The following EVA1C variants were observed in gnomAD, a reference collection of about 807,000 sequenced individuals.
EVA1C encodes the protein eva-1 homolog C.
A neutral mutation model predicts 45.4 loss-of-function variants in EVA1C; 25 were observed. The observed-to-expected ratio is 0.55, with a 90% confidence interval of 0.40 to 0.77. The LOEUF (loss-of-function observed/expected upper bound fraction) is 0.77, where lower values mean the gene tolerates loss of function less well. EVA1C is among the 30% of genes least tolerant of loss of function. EVA1C has a pLI of 0.00. For missense variants in EVA1C, 479 were observed against 554.8 expected (o/e 0.86, Z 1.37); for synonymous variants, 190 against 221.2 (o/e 0.86, Z 1.25).
chr21:32,459,369 A>G (rs2035912353), intron 3 of EVA1C, among the ~76,000 whole-genome samples: 1 of 152,196 alleles, frequency 6.6e-6, no homozygotes, highest in African/African-American at 2.4e-5. Flanking sequence ...GCCTCAGTCA[A>G]CAGACTCAGG....
chr21:32,458,171 G>A (rs1307658649), intron 3 of EVA1C, among the ~76,000 whole-genome samples: 1 of 152,156 alleles, frequency 6.6e-6, no homozygotes, highest in Non-Finnish European at 1.5e-5. Context: ...AGATCTTTAA[G>A]AACCAGCTCC....
chr21:32,444,711 T>C (rs982301299), intron 1 of EVA1C, among the ~76,000 whole-genome samples: 1 of 152,156 alleles, frequency 6.6e-6, no homozygotes, highest in Non-Finnish European at 1.5e-5. Context: ...CCCTGGAAGT[T>C]GGGGTTGGGC....
intron 1 of EVA1C, among the ~76,000 whole-genome samples, chr21:32,442,599 A>T (rs1386514323): frequency 6.8e-6 from 1 of 147,784 alleles, no homozygotes; most frequent in African/African-American, 2.5e-5. Context: ...TTATTTGTTT[A>T]TTTGTGAATA....
At chr21:32,449,631 T>TG (rs2035503513) in intron 1 of EVA1C, among the ~76,000 whole-genome samples, 2 of 151,954 alleles carry the variant, frequency 1.3e-5, no homozygotes, top group East Asian at 1.9e-4. Flanking sequence ...TGTTTTGTTT[T>TG]TTTTTTTTGA....
At chr21:32,473,223 C>A (rs1410247421) in intron 4 of EVA1C, among the ~76,000 whole-genome samples, 2 of 152,242 alleles carry the variant, frequency 1.3e-5, no homozygotes, top group Non-Finnish European at 2.9e-5. Flanking sequence ...GGCCCAGGAG[C>A]CAATAACACC....
intron 1 of EVA1C, among the ~76,000 whole-genome samples, chr21:32,420,075 C>T (rs1451346008): frequency 6.6e-5 from 10 of 152,252 alleles, no homozygotes; most frequent in South Asian, 2.1e-4. Flanking sequence ...TGTGCACCAC[C>T]GGCTCAGCAG....
chr21:32,506,110 C>T (rs2037714404), intron 7 of EVA1C, among the ~76,000 whole-genome samples: 1 of 151,818 alleles, frequency 6.6e-6, no homozygotes, highest in Non-Finnish European at 1.5e-5. Flanking sequence ...TCCTCCATCT[C>T]TTTCTATCCT....
chr21:32,450,746 C>A (rs571835350), intron 1 of EVA1C, among the ~76,000 whole-genome samples: 1 of 151,904 alleles, frequency 6.6e-6, no homozygotes, highest in Non-Finnish European at 1.5e-5. Flanking sequence ...GTGTGCCAGG[C>A]GGGAAGACAC....
intron 2 of EVA1C, 41 bp from the exon 3 acceptor site, chr21:32,457,556 G>A (rs1316098311): frequency 6.2e-7 from 1 of 1,613,164 alleles, no homozygotes; most frequent in Non-Finnish European, 8.5e-7. Context: ...GTCACTGTGA[G>A]CAGTTTTCAA....
At chr21:32,514,300 T>C (rs1474161834) in intron 7 of EVA1C, among the ~76,000 whole-genome samples, 1 of 152,258 alleles carries the variant, frequency 6.6e-6, no homozygotes, top group Non-Finnish European at 1.5e-5. Context: ...GGTTCACATA[T>C]ATACTTCGTA....
chr21:32,426,543 C>T (rs534633456), intron 1 of EVA1C, among the ~76,000 whole-genome samples: 1 of 152,244 alleles, frequency 6.6e-6, no homozygotes, highest in African/African-American at 2.4e-5. Context: ...CCTCCATGCA[C>T]TCACATACAG....
chr21:32,449,383 T>G (rs763483288), intron 1 of EVA1C, among the ~76,000 whole-genome samples: 27 of 152,332 alleles, frequency 1.8e-4, no homozygotes, highest in Non-Finnish European at 2.2e-4. Context: ...TCCTCCTTTC[T>G]CCTGACCTCT....
chr21:32,482,559 T>C (rs2146356437), intron 4 of EVA1C, among the ~76,000 whole-genome samples: 1 of 152,276 alleles, frequency 6.6e-6, no homozygotes, highest in Admixed American at 6.5e-5. Context: ...CAGGGCTCCC[T>C]GGAACATAAT....
chr21:32,498,154 C>G (rs989623554), intron 5 of EVA1C, among the ~76,000 whole-genome samples: 32 of 152,136 alleles, frequency 2.1e-4, no homozygotes, highest in African/African-American at 5.8e-4. Context: ...TTGTAATAAA[C>G]AAAGAGACAC....
intron 1 of EVA1C, among the ~76,000 whole-genome samples, chr21:32,448,243 G>A (rs1304812565): frequency 1.3e-5 from 2 of 152,156 alleles, no homozygotes; most frequent in Non-Finnish European, 2.9e-5. Flanking sequence ...CCATCCTCGT[G>A]GGACTGAGGC....
At chr21:32,418,247 G>C (rs773931563) in intron 1 of EVA1C, among the ~76,000 whole-genome samples, 1 of 152,104 alleles carries the variant, frequency 6.6e-6, no homozygotes, top group Non-Finnish European at 1.5e-5. Context: ...AAGCCAGCTC[G>C]TAACTAAAGA....
chr21:32,438,486 C>CAAA (rs35688820), intron 1 of EVA1C, among the ~76,000 whole-genome samples: 569 of 56,168 alleles, frequency 0.01, 21 homozygotes, highest in African/African-American at 0.033. Context: ...GACTCTGTCT[C>CAAA]AAAAAAAAAA....
chr21:32,505,854 A>C (rs537859137), intron 7 of EVA1C, among the ~76,000 whole-genome samples: 1 of 152,256 alleles, frequency 6.6e-6, no homozygotes, highest in East Asian at 1.9e-4. Flanking sequence ...ATTAGCTCCT[A>C]ATGAGTGAAC....
chr21:32,505,498 T>C (rs1940156197), intron 7 of EVA1C, among the ~76,000 whole-genome samples: 1 of 152,228 alleles, frequency 6.6e-6, no homozygotes, highest in South Asian at 2.1e-4. Context: ...GACATTGCGC[T>C]CAGTGAGCTG....
Sources: gnomAD v4.1 joint callset for allele counts (sites outside exome capture counted in the v4.1 genomes callset) on GRCh38, gnomAD v4.1.1 for gene constraint, MANE v1.5 for transcripts, NCBI Gene and HGNC (gene_info 2026-07-23, HGNC 2026-07-21) for gene names.